PLXDC2: variants seen among roughly 807,000 people sequenced by gnomAD.
PLXDC2 encodes the protein plexin domain containing 2.
PLXDC2 carries 40 observed loss-of-function variants against 68.9 expected under a neutral mutation model. The ratio of observed to expected loss-of-function variants is 0.58; its 90% CI spans 0.45 to 0.76. The LOEUF is 0.76. Among genes scored for constraint, PLXDC2 ranks in the 30% least tolerant of loss-of-function variants. The probability of loss-of-function intolerance (pLI) is 0.00; values close to 1 mark genes in which losing one functional copy is unlikely to be tolerated. For synonymous variants in PLXDC2, 243 were observed against 234.2 expected (o/e 1.04, Z -0.34); for missense variants, 644 against 661.9 (o/e 0.97, Z 0.30).
intron 13 of PLXDC2, among the ~76,000 whole-genome samples, chr10:20,250,190 C>A (rs1020061780): frequency 4.0e-5 from 6 of 150,028 alleles, no homozygotes; most frequent in Non-Finnish European, 8.9e-5. Context: ...ATCATTTGAA[C>A]CTGGGAGGTG....
intron 1 of PLXDC2, among the ~76,000 whole-genome samples, chr10:19,931,692 A>G (rs1833637045): frequency 6.6e-6 from 1 of 152,076 alleles, no homozygotes; most frequent in South Asian, 2.1e-4. Flanking sequence ...CTTGTTTATC[A>G]ATGTTGTCAC....
At chr10:20,093,856 A>T (rs1425048159) in intron 4 of PLXDC2, among the ~76,000 whole-genome samples, 1 of 151,964 alleles carries the variant, frequency 6.6e-6, no homozygotes, top group Non-Finnish European at 1.5e-5. Context: ...TGTATTTTTG[A>T]TAGAAGTGGA....
intron 1 of PLXDC2, among the ~76,000 whole-genome samples, chr10:20,000,728 C>T (rs1040883441): frequency 6.6e-6 from 1 of 152,144 alleles, no homozygotes; most frequent in Non-Finnish European, 1.5e-5. Context: ...GTATTATAAG[C>T]TGCATTAAAT....
chr10:20,223,696 A>G (rs1478945991), intron 12 of PLXDC2, among the ~76,000 whole-genome samples: 1 of 152,170 alleles, frequency 6.6e-6, no homozygotes, highest in Admixed American at 6.5e-5. Flanking sequence ...CCTTTTCTAT[A>G]ACAACTGATT....
At chr10:20,164,383 C>A in intron 6 of PLXDC2, 85 bp from the exon 7 acceptor site, 1 of 1,089,008 alleles carries the variant, frequency 9.2e-7, no homozygotes, top group Non-Finnish European at 1.4e-6. Context: ...ATGGTTTTGT[C>A]CATGAAACAA....
chr10:20,160,012 T>C (rs1380983068), intron 6 of PLXDC2, among the ~76,000 whole-genome samples: 2 of 152,170 alleles, frequency 1.3e-5, no homozygotes, highest in East Asian at 3.8e-4. Flanking sequence ...TTCACTTGTT[T>C]TAATGCCTGT....
chr10:20,210,428 A>G (rs1418342622), intron 9 of PLXDC2, among the ~76,000 whole-genome samples: 2 of 152,180 alleles, frequency 1.3e-5, no homozygotes, highest in Admixed American at 6.6e-5. Context: ...CTTTATCAGA[A>G]TGTGCTCTGG....
intron 1 of PLXDC2, among the ~76,000 whole-genome samples, chr10:19,916,075 C>T (rs761356561): frequency 7.3e-5 from 11 of 150,750 alleles, no homozygotes; most frequent in Non-Finnish European, 1.5e-4. Context: ...GAATGTGAGC[C>T]GCATCAACGT....
intron 9 of PLXDC2, among the ~76,000 whole-genome samples, chr10:20,197,353 T>C (rs1264646302): frequency 6.0e-5 from 9 of 149,352 alleles, no homozygotes. Flanking sequence ...CTATGGTGAT[T>C]GTTTTTTGTT....
intron 4 of PLXDC2, among the ~76,000 whole-genome samples, chr10:20,126,378 CAT>C (rs1302873863): frequency 1.4e-5 from 2 of 138,908 alleles, no homozygotes; most frequent in African/African-American, 2.9e-5. Context: ...TACATATATA[CAT>C]ATGTGTTATA....
At chr10:20,034,432 T>C (rs753953527) in intron 2 of PLXDC2, among the ~76,000 whole-genome samples, 13 of 152,210 alleles carry the variant, frequency 8.5e-5, no homozygotes, top group South Asian at 2.1e-4. Context: ...TGCTACTCTT[T>C]CTATGCTTGT....
chr10:19,941,565 A>C (rs1833818626), intron 1 of PLXDC2, among the ~76,000 whole-genome samples: 1 of 152,160 alleles, frequency 6.6e-6, no homozygotes, highest in South Asian at 2.1e-4. Context: ...AACCTTTTTT[A>C]GGAATTCATC....
chr10:19,829,169 T>TG (rs1477286515), intron 1 of PLXDC2, among the ~76,000 whole-genome samples: 1 of 149,654 alleles, frequency 6.7e-6, no homozygotes, highest in African/African-American at 2.5e-5. Flanking sequence ...TTTTTTTTTT[T>TG]TTTTTTTTTT....
chr10:19,947,670 C>G (rs1020208016), intron 1 of PLXDC2, among the ~76,000 whole-genome samples: 3 of 150,668 alleles, frequency 2.0e-5, no homozygotes, highest in Middle Eastern at 3.4e-3. Flanking sequence ...ATGTCTCTCT[C>G]TCTCTTTCTC....
chr10:19,931,623 G>C (rs1833635655), intron 1 of PLXDC2, among the ~76,000 whole-genome samples: 2 of 152,242 alleles, frequency 1.3e-5, no homozygotes, highest in South Asian at 2.1e-4. Flanking sequence ...ATTTAAAGTG[G>C]GGTGAGATAT....
At chr10:19,846,746 G>A (rs1837016409) in intron 1 of PLXDC2, among the ~76,000 whole-genome samples, 1 of 152,178 alleles carries the variant, frequency 6.6e-6, no homozygotes, top group South Asian at 2.1e-4. Flanking sequence ...AAGTCACATA[G>A]TTGATCTGGC....
intron 12 of PLXDC2, among the ~76,000 whole-genome samples, chr10:20,236,997 G>T (rs74119558): frequency 2.2e-3 from 205 of 91,874 alleles, no homozygotes; most frequent in Middle Eastern, 4.8e-3. Flanking sequence ...ATTATGAGTT[G>T]TTGTTTTTTT....
chr10:19,862,266 A>G (rs1837332752), intron 1 of PLXDC2, among the ~76,000 whole-genome samples: 1 of 152,216 alleles, frequency 6.6e-6, no homozygotes, highest in Admixed American at 6.5e-5. Flanking sequence ...TCTTGTGACT[A>G]GGTTTATATC....
chr10:20,212,945 A>T (rs2358866), intron 10 of PLXDC2, among the ~76,000 whole-genome samples: 1 of 151,894 alleles, frequency 6.6e-6, no homozygotes, highest in Non-Finnish European at 1.5e-5. Flanking sequence ...ATCTCCATAT[A>T]TGTAAAGATT....
Sources: allele counts gnomAD v4.1 joint callset (sites outside exome capture counted in the v4.1 genomes callset), GRCh38; gene constraint gnomAD v4.1.1; transcripts MANE v1.5; gene names NCBI Gene and HGNC (gene_info 2026-07-23, HGNC 2026-07-21).